Variants in SYT9 observed in about 807,000 individuals in gnomAD.
The protein encoded by SYT9 is synaptotagmin-9.
SYT9 carries 22 observed loss-of-function variants against 48.4 expected under a neutral mutation model. The observed-to-expected ratio is 0.45, with a 90% CI of 0.32 to 0.65. SYT9 has a LOEUF of 0.65. Among genes scored for constraint, SYT9 ranks in the 30% least tolerant of loss-of-function variants. SYT9 has a pLI of 0.03. For missense variants in SYT9, 577 were observed against 622.0 expected (o/e 0.93, Z 0.77); for synonymous variants, 265 against 245.0 (o/e 1.08, Z -0.76).
chr11:7,424,108 T>C (rs573283980), intron 6 of SYT9, among the ~76,000 whole-genome samples: 2 of 152,296 alleles, frequency 1.3e-5, no homozygotes, highest in African/African-American at 4.8e-5. Context: ...CTCTGAGCCC[T>C]GCAGAGATCT....
At chr11:7,259,024 T>G (rs958716964) in intron 1 of SYT9, among the ~76,000 whole-genome samples, 1 of 152,104 alleles carries the variant, frequency 6.6e-6, no homozygotes, top group Non-Finnish European at 1.5e-5. Flanking sequence ...CCAGTTCAAT[T>G]TGAATTTCAG....
upstream of SYT9, among the ~76,000 whole-genome samples, chr11:7,247,715 T>G (rs183445679): frequency 6.1e-4 from 92 of 150,400 alleles, no homozygotes; most frequent in African/African-American, 2.2e-3. Flanking sequence ...AGTTTCTTTA[T>G]CCACTCATTG....
At chr11:7,313,990 C>T in intron 3 of SYT9, 49 bp downstream of exon 3, 2 of 1,562,824 alleles carry the variant, frequency 1.3e-6, no homozygotes, top group Non-Finnish European at 1.7e-6. Flanking sequence ...TCTTGGTTAG[C>T]AAGGAAACAG....
chr11:7,279,742 C>A (rs1250332298), intron 1 of SYT9, among the ~76,000 whole-genome samples: 3 of 152,174 alleles, frequency 2.0e-5, no homozygotes, highest in Non-Finnish European at 4.4e-5. Context: ...AGGAAAGCTA[C>A]CCAGTTAGAG....
intron 3 of SYT9, among the ~76,000 whole-genome samples, chr11:7,320,899 T>G (rs1849325750): frequency 6.6e-6 from 1 of 152,172 alleles, no homozygotes; most frequent in Non-Finnish European, 1.5e-5. Context: ...AGGGGGAAGG[T>G]CAAAATTTCG....
chr11:7,335,831 A>G (rs112778917), intron 3 of SYT9, among the ~76,000 whole-genome samples: 3,755 of 152,272 alleles, frequency 0.025, 152 homozygotes, highest in African/African-American at 0.084. Flanking sequence ...TCTTTATGCT[A>G]GAACAATTTA....
In SYT9 at chr11:7,466,781, T is replaced by C; in HGVS notation, c.1468-11T>C. ...AAAGCCAAATTATTTTTTTGTTTTTTCTTCCTGCAGAAACGATGACCATGG... is the reference window on the plus strand; with the variant it reads ...AAAGCCAAATTATTTTTTTGTTTTTCCTTCCTGCAGAAACGATGACCATGG... On this transcript the variant is annotated splice_polypyrimidine_tract_variant and intron_variant, in intron 6 of 6. Coordinates refer to ENST00000318881, the MANE Select transcript of SYT9 (RefSeq NM_175733.4). The C allele has an allele frequency of 6.2e-7, 1 of 1,611,702 alleles. No individual in the cohort carries two copies. Among genetic ancestry groups the C allele is most frequent in the Non-Finnish European group, 8.5e-7 (1 of 1,179,344 alleles).
At chr11:7,394,431 T>C (rs1846705912) in intron 3 of SYT9, among the ~76,000 whole-genome samples, 1 of 152,174 alleles carries the variant, frequency 6.6e-6, no homozygotes, top group African/African-American at 2.4e-5. Flanking sequence ...TACGTGTGCA[T>C]GTGTCTTTAT....
intron 3 of SYT9, among the ~76,000 whole-genome samples, chr11:7,365,536 CGTTT>C (rs904203211): frequency 2.6e-5 from 4 of 152,094 alleles, no homozygotes; most frequent in African/African-American, 9.7e-5. Flanking sequence ...GGGACTGTTT[CGTTT>C]GTCTTTGCTC....
intron 3 of SYT9, among the ~76,000 whole-genome samples, chr11:7,347,839 T>G (rs770239515): frequency 5.3e-5 from 8 of 152,052 alleles, no homozygotes; most frequent in Non-Finnish European, 1.0e-4. Flanking sequence ...ATTTGTTCTT[T>G]CAACAGACAG....
Position 7,463,267 on chromosome 11 carries a change from G to A in SYT9, c.1468-3525G>A, listed in dbSNP as rs189866610. 2.8e-3 allele frequency among the ~76,000 whole-genome samples: 420 copies of A among 152,296 alleles called. 2 individuals carry two copies. Among genetic ancestry groups the A allele is most frequent in the African/African-American group, 8.7e-3 (363 of 41,562 alleles). On this transcript the variant is annotated intron_variant, in intron 6 of 6. Coordinates refer to ENST00000318881, the MANE Select transcript of SYT9 (RefSeq NM_175733.4). The stretch of plus-strand genomic sequence containing the variant: ...TTATTAAACCACCGTTACTGTCTCC[G>A]GTGTTGATGACTGAGTCTCTACCAC...
intron 6 of SYT9, among the ~76,000 whole-genome samples, chr11:7,445,433 A>C (rs553902509): frequency 6.6e-6 from 1 of 152,074 alleles, no homozygotes; most frequent in South Asian, 2.1e-4. Context: ...TCCCTTGGGG[A>C]TGGTCGCCTG....
At chr11:7,298,232 G>A (rs1018415810) in intron 1 of SYT9, among the ~76,000 whole-genome samples, 2 of 151,738 alleles carry the variant, frequency 1.3e-5, no homozygotes, top group Non-Finnish European at 2.9e-5. Flanking sequence ...CTCGGTCTAC[G>A]TTCAGGTACC....
chr11:7,241,149 G>T (rs1847735381), intron 1 of SYT9, among the ~76,000 whole-genome samples: 3 of 151,600 alleles, frequency 2.0e-5, no homozygotes. Flanking sequence ...TCCTCTACTG[G>T]CCAAGCCTAG....
In SYT9 at chr11:7,468,199, C is replaced by T. The variant is rs1395753525; in HGVS notation, c.*1399C>T. ...GATTGTAGTTTACCTTCCTGGAAAGCTCATTATCTCTGTTTGAATTAACAT... is the reference window on the plus strand; with the variant it reads ...GATTGTAGTTTACCTTCCTGGAAAGTTCATTATCTCTGTTTGAATTAACAT... On this transcript the variant is annotated 3_prime_UTR_variant, in exon 7 of 7. Transcript: ENST00000318881. The T allele has an allele frequency of 3.0e-5, 12 of 398,446 alleles. No individual in the cohort carries two copies. Among genetic ancestry groups the T allele is most frequent in the Non-Finnish European group, 4.9e-5 (11 of 226,012 alleles). 24.7% of individuals were successfully genotyped at this position (398,446 alleles called of 1,614,324 possible). A position where few individuals can be genotyped will look rare whatever the true frequency, so the allele number is the denominator to read the frequency against.
intron 1 of SYT9, among the ~76,000 whole-genome samples, chr11:7,270,856 C>CAA (rs1255280460): frequency 6.7e-6 from 1 of 149,904 alleles, no homozygotes; most frequent in African/African-American, 2.5e-5. Context: ...CACACACACA[C>CAA]ACACACACAC....
chr11:7,294,170 T>G (rs1206870313), intron 1 of SYT9, among the ~76,000 whole-genome samples: 4 of 152,190 alleles, frequency 2.6e-5, no homozygotes, highest in Non-Finnish European at 4.4e-5. Flanking sequence ...TCACCTTCAT[T>G]ACTTAATCAT....
intron 6 of SYT9, among the ~76,000 whole-genome samples, chr11:7,461,961 A>G (rs11824282): frequency 0.13 from 20,049 of 152,220 alleles, 1,611 homozygotes; most frequent in African/African-American, 0.2. Flanking sequence ...TACATGTCAC[A>G]CATGCCACGC....
At chr11:7,437,693 T>G (rs1847738282) in intron 6 of SYT9, 1 of 152,236 alleles carries the variant, frequency 6.6e-6, no homozygotes, top group Non-Finnish European at 1.5e-5. Flanking sequence ...GAAATTAATG[T>G]CATTCCTTGG....
Sources: gnomAD v4.1 joint callset for allele counts (sites outside exome capture counted in the v4.1 genomes callset) on GRCh38, gnomAD v4.1.1 for gene constraint, MANE v1.5 for transcripts, NCBI Gene and HGNC (gene_info 2026-07-23, HGNC 2026-07-21) for gene names.